The following SCAF4 variants were observed in gnomAD, a reference collection of about 807,000 sequenced individuals.
SCAF4 encodes the protein SR-related and CTD-associated factor 4.
A neutral mutation model predicts 129.8 loss-of-function variants in SCAF4; 25 were observed. That is an observed-to-expected ratio of 0.19 (90% CI 0.14 to 0.27). The LOEUF is 0.27. SCAF4 is among the 10% of genes least tolerant of loss of function. The pLI, the probability that SCAF4 is intolerant of heterozygous loss-of-function variation, is 1.00. For synonymous variants in SCAF4, 551 were observed against 497.7 expected (o/e 1.11, Z -1.43); for missense variants, 1,246 against 1,457.1 (o/e 0.86, Z 2.36).
At chr21:31,703,965 A>G (rs774085310) in intron 3 of SCAF4, 39 bp from the exon 4 acceptor site, 1 of 1,338,514 alleles carries the variant, frequency 7.5e-7, no homozygotes, top group Non-Finnish European at 1.0e-6. Flanking sequence ...CAGAAAAAGC[A>G]AAGTCACAAT....
At position 31,693,455 on chromosome 21, in the gene SCAF4, C is replaced by A; in HGVS notation, c.1352G>T (p.Gly451Val). 1.3e-6 allele frequency: 2 copies of A among 1,535,150 alleles called. No individual in the cohort carries two copies. The highest frequency in any genetic ancestry group is 1.8e-5 in the Admixed American group (1 of 56,894). ...ATGCCGAGACCTTCGAGATCTAGAACCAGATCTAGATCGCCTCCTTTTTGG... is the reference window on the plus strand; with the variant it reads ...ATGCCGAGACCTTCGAGATCTAGAAACAGATCTAGATCGCCTCCTTTTTGG... ...RSPKRRRSRS[G>V]SRSRRSRHRR... Residue 451 changes from glycine (G) to valine (V), a missense_variant, in exon 12 of 20, where the codon GGT (glycine) becomes GTT (valine). Transcript: ENST00000286835.
rs142560309 is a variant in SCAF4 at position 31,701,850 on chromosome 21, C to T, written c.526G>A (p.Ala176Thr). The T allele has an allele frequency of 1.6e-4, 257 of 1,613,902 alleles. No homozygotes were observed. Among genetic ancestry groups the T allele is most frequent in the Non-Finnish European group, 1.9e-4 (224 of 1,179,996 alleles). Residue 176 changes from alanine (A) to threonine (T), a missense_variant, in exon 6 of 20, where the codon GCT becomes ACT. Physicochemically the swap from Ala to Thr is moderately conservative, Grantham distance 58 (BLOSUM62 0). This residue lies in a region of SCAF4 where 143 missense variants were observed against 161.0 expected (regional missense o/e 0.89). Transcript: ENST00000286835. ...PTQATPNSVP[A>T]VPQLPSSDAF... ...TCAGAGCTGGGCAACTGTGGTACAG[C>T]TGGGACGGAGTTTGGAGTGGCTTGT...
At chr21:31,681,226 ATAAT>A (rs1390207372) in intron 19 of SCAF4, among the ~76,000 whole-genome samples, 1 of 152,252 alleles carries the variant, frequency 6.6e-6, no homozygotes, top group Non-Finnish European at 1.5e-5. Flanking sequence ...CTTCATATTG[ATAAT>A]TAATGAATAA....
In SCAF4 at chr21:31,685,699, C is replaced by T. The variant is rs369638100; in HGVS notation, c.2078G>A (p.Gly693Asp). Residue 693 changes from glycine (G) to aspartate (D), a missense_variant, in exon 17 of 20, where the codon GGT (glycine) becomes GAT (aspartate). Physicochemically the swap from Gly to Asp is moderately conservative, Grantham distance 94. Around this residue, in one of 6 missense-constraint regions of SCAF4, gnomAD observed 468 missense variants for 605.5 expected, o/e 0.77. Transcript: ENST00000286835. ...CGTGAAAGCAGGCGGCTGGAGAGCACCAACTACAGGTGGACCCGGTTGATG... is the reference window on the plus strand; with the variant it reads ...CGTGAAAGCAGGCGGCTGGAGAGCATCAACTACAGGTGGACCCGGTTGATG... ...PPHQPGPPVV[G>D]ALQPPAFTPP... 16 of 1,609,702 alleles carry T rather than the reference C, an allele frequency of 9.9e-6. No homozygotes were observed. Among genetic ancestry groups the T allele is most frequent in the Non-Finnish European group, 1.3e-5 (15 of 1,178,148 alleles).
At chr21:31,685,356 C>A (rs370260354) in intron 18 of SCAF4, 42 bp downstream of exon 18, 175 of 1,562,012 alleles carry the variant, frequency 1.1e-4, no homozygotes, top group Middle Eastern at 8.9e-4. Context: ...CTACACCCAG[C>A]TCCAAGAGGA....
Position 31,696,617 on chromosome 21 carries a change from G to A in SCAF4, c.911C>T (p.Ala304Val), listed in dbSNP as rs554431268. 9.3e-6 allele frequency: 15 copies of A among 1,613,158 alleles called. 1 individual carries two copies. In the South Asian group the frequency reaches 9.9e-5, roughly 11 times the overall value. Residue 304 changes from alanine to valine, a missense_variant, in exon 8 of 20, where the codon GCT becomes GTT. Ala to Val is a moderately conservative substitution (Grantham distance 64). Coordinates refer to ENST00000286835, the MANE Select transcript of SCAF4 (RefSeq NM_020706.2). Reference sequence around the variant, plus strand: ...AGAGGCAGCAGCGGGTGCAGCAGCAGCAGGCACGGTGGCGGTGGGTGCAGG... The same window carrying A: ...AGAGGCAGCAGCGGGTGCAGCAGCAACAGGCACGGTGGCGGTGGGTGCAGG... ...VPPAPTATVP[A>V]AAAPAAASPP...
In SCAF4 at chr21:31,671,546, T is replaced by C; in HGVS notation, c.3297A>G (p.Gln1099=). The change falls in exon 20 of 20, where the codon CAA becomes CAG. Residue 1099 remains glutamine, a synonymous_variant. Transcript: ENST00000286835. The stretch of plus-strand genomic sequence containing the variant: ...CTGAAGCAGTGTCTACATTTCCCAC[T>C]TGGCTAATGGGAGGTTCAACGGTTT... The part of the protein sequence containing the change: ...GNKTVEPPIS[Q]VGNVDTASEL... 6.2e-7 allele frequency: 1 copy of C among 1,614,188 alleles called. No individual in the cohort carries two copies. Among genetic ancestry groups the C allele is most frequent in the Non-Finnish European group, 8.5e-7 (1 of 1,180,008 alleles).
At chr21:31,704,526 T>G (rs1242824368) in intron 3 of SCAF4, among the ~76,000 whole-genome samples, 2 of 149,748 alleles carry the variant, frequency 1.3e-5, no homozygotes, top group Non-Finnish European at 3.0e-5. Context: ...CATCTAGGAA[T>G]TTATGCAAAA....
intron 19 of SCAF4, chr21:31,684,715 G>A (rs566638173): frequency 4.9e-5 from 13 of 263,674 alleles, no homozygotes; most frequent in Admixed American, 1.5e-4. Flanking sequence ...AGTGAATTAC[G>A]AACTCTGTAC....
At chr21:31,681,835 C>T (rs2050001725) in intron 19 of SCAF4, among the ~76,000 whole-genome samples, 1 of 152,178 alleles carries the variant, frequency 6.6e-6, no homozygotes, top group Non-Finnish European at 1.5e-5. Context: ...ATCCTTAAGG[C>T]ACCCACTGCC....
chr21:31,680,683 T>C (rs2049975539), intron 19 of SCAF4, among the ~76,000 whole-genome samples: 1 of 152,238 alleles, frequency 6.6e-6, no homozygotes, highest in African/African-American at 2.4e-5. Context: ...CTCTACTTTC[T>C]AGAATTTTCT....
Position 31,690,885 on chromosome 21 carries a change from A to T in SCAF4, c.1797T>A (p.Val599=), listed in dbSNP as rs749103125. ...YKQYWDVELG[V]TYIPWDKVKP... ...TGACTTTGTCCCATGGAATATAAGT[A>T]ACACCAAGTTCTACATCCCAATACT... Residue 599 remains valine, a synonymous_variant, in exon 15 of 20, where the codon GTT becomes GTA. Transcript: ENST00000286835. 33 of 1,613,594 alleles carry T rather than the reference A, an allele frequency of 2.0e-5. No homozygotes were observed. Among genetic ancestry groups the T allele is most frequent in the Non-Finnish European group, 2.8e-5 (33 of 1,179,630 alleles).
At chr21:31,708,838 TTAA>T (rs1179807652) in intron 1 of SCAF4, among the ~76,000 whole-genome samples, 1 of 152,178 alleles carries the variant, frequency 6.6e-6, no homozygotes, top group Non-Finnish European at 1.5e-5. Context: ...GATTAAATCT[TTAA>T]TAATAAAGTA....
At position 31,703,795 on chromosome 21, in the gene SCAF4, T is replaced by C. The variant is rs2050589482; in HGVS notation, c.291A>G (p.Gln97=). ...CTTCAGATGGACAAAGATATAAATA[T>C]TGGAATGTGGCAGTTATGTTTTTAG... is the stretch of plus-strand genomic sequence containing the variant. ...RFSKNITATF[Q]YLYLCPSEDK... is the part of the protein sequence containing the mutation. Residue 97 remains glutamine (Q), a synonymous_variant, in exon 4 of 20, where the codon CAA becomes CAG. Transcript: ENST00000286835. The C allele has an allele frequency of 6.3e-7, 1 of 1,580,096 alleles. No homozygotes were observed. The highest frequency in any genetic ancestry group is 8.7e-7 in the Non-Finnish European group (1 of 1,152,428).
intron 11 of SCAF4, among the ~76,000 whole-genome samples, chr21:31,693,871 T>G (rs1413050835): frequency 2.6e-5 from 4 of 152,246 alleles, no homozygotes; most frequent in African/African-American, 9.6e-5. Flanking sequence ...TACTGTGATC[T>G]TTCCACTTTT....
chr21:31,688,375 G>A lies in SCAF4; in HGVS notation c.1975C>T (p.Pro659Ser), dbSNP rs199712831. 4.3e-6 allele frequency: 7 copies of A among 1,613,610 alleles called. No individual in the cohort carries two copies. Among genetic ancestry groups the A allele is most frequent in the Non-Finnish European group, 5.9e-6 (7 of 1,179,738 alleles). Residue 659 changes from proline to serine, a missense_variant, in exon 16 of 20, where the codon CCT becomes TCT. Around this residue, in one of 6 missense-constraint regions of SCAF4, gnomAD observed 468 missense variants for 605.5 expected, o/e 0.77. Coordinates refer to ENST00000286835, the MANE Select transcript of SCAF4 (RefSeq NM_020706.2). ...TSHTEPVSPIPKPLPVPVPPI... is the reference protein window; with the variant it reads ...TSHTEPVSPISKPLPVPVPPI... ...GGGACAGGCACAGGTAATGGTTTAG[G>A]TATGGGTGATACTGGTTCTGTGTGT...
At chr21:31,695,681 T>C (rs991739559) in intron 9 of SCAF4, among the ~76,000 whole-genome samples, 3 of 152,218 alleles carry the variant, frequency 2.0e-5, no homozygotes, top group Non-Finnish European at 2.9e-5. Context: ...GGAACAAATT[T>C]ATCTCTACTA....
chr21:31,700,841 GA>G, intron 7 of SCAF4, 153 bp downstream of exon 7: 1 of 904,326 alleles, frequency 1.1e-6, no homozygotes, highest in South Asian at 1.5e-5. Flanking sequence ...TAAAACCAGG[GA>G]AAATAATCGA....
intron 7 of SCAF4, among the ~76,000 whole-genome samples, chr21:31,699,958 C>T (rs936936619): frequency 2.6e-5 from 4 of 151,922 alleles, no homozygotes; most frequent in Non-Finnish European, 5.9e-5. Flanking sequence ...TAACTCAAAT[C>T]CTCTTTTTTG....
Sources: gnomAD v4.1 joint callset for allele counts (sites outside exome capture counted in the v4.1 genomes callset) on GRCh38, gnomAD v4.1.1 for gene constraint, gnomAD v4.1.1 regional missense constraint, MANE v1.5 for transcripts, NCBI Gene and HGNC (gene_info 2026-07-23, HGNC 2026-07-21) for gene names.